SLIT2: variants seen among roughly 807,000 people sequenced by gnomAD.
The protein encoded by SLIT2 is slit guidance ligand 2, also known as slit homolog 2 protein.
Under a neutral mutation model 185.7 loss-of-function variants are expected in SLIT2, and 41 were observed. The ratio of observed to expected loss-of-function variants is 0.22; its 90% CI spans 0.17 to 0.29. The LOEUF (loss-of-function observed/expected upper bound fraction) is 0.29, where lower values mean the gene tolerates loss of function less well. Ranked by LOEUF, SLIT2 falls within the 10% of genes least tolerant of loss-of-function variation. The pLI, the probability that SLIT2 is intolerant of heterozygous loss-of-function variation, is 1.00. For synonymous variants in SLIT2, 693 were observed against 680.2 expected (o/e 1.02, Z -0.29); for missense variants, 1,571 against 1,909.0 (o/e 0.82, Z 3.30).
chr4:20,485,552 A>T (rs531418293), intron 6 of SLIT2, among the ~76,000 whole-genome samples: 2 of 152,276 alleles, frequency 1.3e-5, no homozygotes, highest in Admixed American at 1.3e-4. Flanking sequence ...GCAGTAAACA[A>T]AGGTGAATAT....
chr4:20,303,283 C>G (rs1034129469), intron 4 of SLIT2, among the ~76,000 whole-genome samples: 3 of 152,144 alleles, frequency 2.0e-5, no homozygotes, highest in African/African-American at 7.2e-5. Flanking sequence ...TTTGCAGATA[C>G]AAGGCTTTGA....
chr4:20,489,226 A>G (rs566272339), intron 8 of SLIT2, among the ~76,000 whole-genome samples: 1 of 152,162 alleles, frequency 6.6e-6, no homozygotes, highest in African/African-American at 2.4e-5. Flanking sequence ...ACTCCAGGGG[A>G]AAATATGGAA....
chr4:20,559,044 G>A lies in SLIT2; in HGVS notation c.2725+5076G>A, dbSNP rs552389065. ...GGCTGTGAAAGATGTAATGACATAA[G>A]TGGACAAGCAGACAAGTGTGAGGAT... On this transcript the variant is annotated intron_variant, in intron 26 of 36. Transcript: ENST00000504154. Among the ~76,000 whole-genome samples the A allele has an allele frequency of 3.9e-5, 6 of 152,030 alleles. 1 individual carries two copies. The highest frequency in any genetic ancestry group is 1.4e-4 in the African/African-American group (6 of 41,408).
chr4:20,544,132 C>G (rs1313612204), intron 21 of SLIT2, among the ~76,000 whole-genome samples: 1 of 151,748 alleles, frequency 6.6e-6, no homozygotes, highest in Admixed American at 6.6e-5. Flanking sequence ...ACGTAACAAA[C>G]CTGCATGTTG....
intron 4 of SLIT2, among the ~76,000 whole-genome samples, chr4:20,395,153 A>G (rs1426292513): frequency 1.3e-5 from 2 of 152,068 alleles, no homozygotes. Flanking sequence ...ATTATGATTT[A>G]TCTATATCTT....
intron 16 of SLIT2, among the ~76,000 whole-genome samples, chr4:20,531,293 T>TA (rs1721786035): frequency 6.6e-6 from 1 of 152,102 alleles, no homozygotes; most frequent in African/African-American, 2.4e-5. Flanking sequence ...CATTCAGTCT[T>TA]AAAAAATAAT....
intron 4 of SLIT2, among the ~76,000 whole-genome samples, chr4:20,293,489 A>C (rs1853386): frequency 0.23 from 35,362 of 152,204 alleles, 5,165 homozygotes; most frequent in East Asian, 0.6. Context: ...ATAAACAGCA[A>C]TGAGAGCTGG....
intron 4 of SLIT2, among the ~76,000 whole-genome samples, chr4:20,284,603 A>G (rs1398460317): frequency 6.6e-6 from 1 of 152,212 alleles, no homozygotes; most frequent in African/African-American, 2.4e-5. Flanking sequence ...GTTTGAGTTT[A>G]AAAAGAATAG....
intron 4 of SLIT2, among the ~76,000 whole-genome samples, chr4:20,453,436 A>G (rs1382475325): frequency 6.6e-6 from 1 of 152,166 alleles, no homozygotes; most frequent in Non-Finnish European, 1.5e-5. Context: ...ATTTGTTGGT[A>G]TGTATTTCCA....
chr4:20,529,086 T>C lies in SLIT2; in HGVS notation c.1600T>C (p.Tyr534His). The C allele has an allele frequency of 6.2e-7, 1 of 1,612,818 alleles. No individual in the cohort carries two copies. The highest frequency in any genetic ancestry group is 1.3e-5 in the African/African-American group (1 of 75,016). ...LNKIPEHIPQ[Y>H]TAELRLNNNE... ...CAAAATCCCGGAGCACATTCCCCAG[T>C]ACACTGCAGAGTTGTAAGTTCATCC... The change falls in exon 16 of 37, where the codon TAC becomes CAC. Residue 534 changes from tyrosine (Y) to histidine (H), a missense_variant. Transcript: ENST00000504154.
rs116923835 is a variant in SLIT2 at position 20,417,545 on chromosome 4, T to G, written c.396-50207T>G. On this transcript the variant is annotated intron_variant, in intron 4 of 36. Transcript: ENST00000504154. ...GTGTATATATATATATGTATATATA[T>G]AGAGTCTTGCTCTGTCACCAGGCTG... Among the ~76,000 whole-genome samples, 142 of 150,734 alleles carry G rather than the reference T, an allele frequency of 9.4e-4. 1 individual carries two copies. In the East Asian group the frequency reaches 0.015, roughly 16 times the overall value.
chr4:20,329,492 G>T (rs1011564565), intron 4 of SLIT2, among the ~76,000 whole-genome samples: 1 of 151,968 alleles, frequency 6.6e-6, no homozygotes, highest in Admixed American at 6.6e-5. Flanking sequence ...GAAGATCAAT[G>T]TATGTATACT....
At chr4:20,514,861 TAACAA>T (rs910494694) in intron 11 of SLIT2, among the ~76,000 whole-genome samples, 25 of 151,816 alleles carry the variant, frequency 1.6e-4, no homozygotes, top group South Asian at 1.2e-3. Flanking sequence ...TGCAATATAT[TAACAA>T]AACAAAAAAC....
At chr4:20,447,324 G>A (rs1711924504) in intron 4 of SLIT2, among the ~76,000 whole-genome samples, 1 of 152,178 alleles carries the variant, frequency 6.6e-6, no homozygotes, top group African/African-American at 2.4e-5. Flanking sequence ...TGGTGAGCAA[G>A]GGACAAGGAT....
At chr4:20,376,515 G>A (rs542686682) in intron 4 of SLIT2, among the ~76,000 whole-genome samples, 5 of 152,070 alleles carry the variant, frequency 3.3e-5, no homozygotes, top group East Asian at 3.9e-4. Flanking sequence ...CAATGATGCC[G>A]AAATCCCCCT....
chr4:20,271,048 ACT>A (rs1403753882), intron 4 of SLIT2, among the ~76,000 whole-genome samples: 2 of 152,028 alleles, frequency 1.3e-5, no homozygotes, highest in Non-Finnish European at 2.9e-5. Context: ...GAAGCTCACT[ACT>A]GGCTAGTGTA....
At chr4:20,461,845 C>G (rs1191887615) in intron 4 of SLIT2, among the ~76,000 whole-genome samples, 1 of 152,030 alleles carries the variant, frequency 6.6e-6, no homozygotes, top group East Asian at 1.9e-4. Flanking sequence ...AATTCTGGTA[C>G]CAGTGTGGGA....
chr4:20,256,659 G>GT lies in SLIT2; in HGVS notation c.180-8dup, dbSNP rs767739552. 6.9e-7 allele frequency: 1 copy of GT among 1,459,852 alleles called. No individual in the cohort carries two copies. Among genetic ancestry groups the GT allele is most frequent in the East Asian group, 2.3e-5 (1 of 43,176 alleles). 90.4% of individuals were successfully genotyped at this position (1,459,852 alleles called of 1,614,324 possible). A position where few individuals can be genotyped will look rare whatever the true frequency, so the allele number is the denominator to read the frequency against. ...AATAAAATGGAACTTTCACTTTCTG[G>GT]TTTTTCTCTTAGGGATTTAAATGGA... On this transcript the variant is annotated splice_polypyrimidine_tract_variant and intron_variant, in intron 1 of 36. Coordinates refer to ENST00000504154, the MANE Select transcript of SLIT2 (RefSeq NM_004787.4).
rs563576671 is a variant in SLIT2 at position 20,470,684 on chromosome 4, T to C, written c.467+2861T>C. On this transcript the variant is annotated intron_variant, in intron 5 of 36. Transcript: ENST00000504154. ...TCTGCCTCCCAGGTTCAAGCAATTCTCCCACCTCAGCCCCCTGAGTAGCTG... is the reference window on the plus strand; with the variant it reads ...TCTGCCTCCCAGGTTCAAGCAATTCCCCCACCTCAGCCCCCTGAGTAGCTG... 2.0e-5 allele frequency among the ~76,000 whole-genome samples: 3 copies of C among 152,230 alleles called. No individual in the cohort carries two copies. In the South Asian group the frequency reaches 6.2e-4, roughly 32 times the overall value.
Sources: allele counts gnomAD v4.1 joint callset (sites outside exome capture counted in the v4.1 genomes callset), GRCh38; gene constraint gnomAD v4.1.1; transcripts MANE v1.5; gene names NCBI Gene and HGNC (gene_info 2026-07-23, HGNC 2026-07-21).